The following CHODL variants were observed in gnomAD, a reference collection of about 807,000 sequenced individuals.
CHODL encodes the protein transmembrane protein MT75.
CHODL carries 29 observed loss-of-function variants against 34.5 expected under a neutral mutation model. That is an observed-to-expected ratio of 0.84 (90% CI 0.63 to 1.15). The LOEUF (loss-of-function observed/expected upper bound fraction) is 1.15. CHODL is among the 50% of genes most tolerant of loss of function. The pLI is 0.00. For missense variants in CHODL, 332 were observed against 332.5 expected (o/e 1.00, Z 0.01); for synonymous variants, 125 against 116.1 (o/e 1.08, Z -0.49).
chr21:18,251,365 T>C (rs947614227), intron 1 of CHODL, among the ~76,000 whole-genome samples: 1 of 147,450 alleles, frequency 6.8e-6, no homozygotes, highest in African/African-American at 2.5e-5. Context: ...ATTTCTTTTA[T>C]ATAAAATAAA....
At chr21:18,035,383 A>C (rs1182067454) in intron 2 of CHODL, among the ~76,000 whole-genome samples, 1 of 151,984 alleles carries the variant, frequency 6.6e-6, no homozygotes, top group African/African-American at 2.4e-5. Context: ...TCTGCTTTTA[A>C]GACTTCCTCT....
At chr21:17,981,426 C>T (rs1600855434) in intron 1 of CHODL, among the ~76,000 whole-genome samples, 1 of 152,242 alleles carries the variant, frequency 6.6e-6, no homozygotes, top group South Asian at 2.1e-4. Flanking sequence ...AAGTGACTAA[C>T]CTCATTTTTG....
At chr21:17,976,219 C>T (rs999932578) in intron 1 of CHODL, among the ~76,000 whole-genome samples, 12 of 126,156 alleles carry the variant, frequency 9.5e-5, no homozygotes, top group Admixed American at 9.4e-4. Flanking sequence ...TGCAGTGAGC[C>T]GAGATTGCAC....
At chr21:18,018,031 C>T (rs969921114) in intron 1 of CHODL, among the ~76,000 whole-genome samples, 26 of 152,224 alleles carry the variant, frequency 1.7e-4, no homozygotes, top group African/African-American at 2.4e-5. Context: ...ACATAGGCCC[C>T]TTTCTGTTGG....
chr21:17,968,418 T>C (rs531824948), intron 1 of CHODL, among the ~76,000 whole-genome samples: 101 of 152,358 alleles, frequency 6.6e-4, no homozygotes, highest in Non-Finnish European at 1.2e-3. Context: ...CCTCATCTTT[T>C]GCACGAAAGT....
chr21:18,177,565 A>G (rs1282348502), intron 2 of CHODL, among the ~76,000 whole-genome samples: 1 of 152,156 alleles, frequency 6.6e-6, no homozygotes, highest in Non-Finnish European at 1.5e-5. Flanking sequence ...TCACAAACAA[A>G]TTATCTTTTG....
In CHODL at chr21:18,256,516, G is replaced by T. The variant is rs751904196; in HGVS notation, c.87G>T (p.Lys29Asn). Residue 29 changes from lysine to asparagine, a missense_variant, in exon 2 of 6, where the codon AAG (lysine) becomes AAT (asparagine). By Grantham distance (94) the Lys-to-Asn change is moderately conservative. Transcript: ENST00000299295. ...AFCRRVVSGQ[K>N]VCFADFKHPC... ...TCTTTTTTTTTTTTTCAGGCCAAAAGGTGTGTTTTGCTGACTTCAAGCATC... is the reference window on the plus strand; with the variant it reads ...TCTTTTTTTTTTTTTCAGGCCAAAATGTGTGTTTTGCTGACTTCAAGCATC... 3.1e-6 allele frequency: 5 copies of T among 1,600,092 alleles called. No individual in the cohort carries two copies. The highest frequency in any genetic ancestry group is 3.4e-6 in the Non-Finnish European group (4 of 1,172,930).
At chr21:18,151,379 A>G (rs1247223843) in intron 2 of CHODL, among the ~76,000 whole-genome samples, 1 of 152,198 alleles carries the variant, frequency 6.6e-6, no homozygotes, top group Non-Finnish European at 1.5e-5. Flanking sequence ...GGGCTTCTAT[A>G]TAGCTGGACA....
Position 18,070,144 on chromosome 21 carries a change from T to C in CHODL, c.-45+42173T>C, listed in dbSNP as rs551179448. ...CAAATTGGGTATACTGCTCAGGTGA[T>C]GGGTGCACCAAAATCTCACACATCA... On this transcript the variant is annotated intron_variant, in intron 2 of 6. Transcript: ENST00000400127. Among the ~76,000 whole-genome samples the C allele has an allele frequency of 1.3e-3, 197 of 151,552 alleles. 2 individuals carry two copies. The highest frequency in any genetic ancestry group is 4.5e-3 in the African/African-American group (187 of 41,274).
chr21:18,036,439 C>T (rs558828984), intron 2 of CHODL, among the ~76,000 whole-genome samples: 115 of 151,974 alleles, frequency 7.6e-4, no homozygotes, highest in Non-Finnish European at 1.4e-3. Flanking sequence ...TGGCACTCTG[C>T]CCTGTGAACT....
chr21:18,242,444 A>T (rs1306635125), upstream of CHODL, among the ~76,000 whole-genome samples: 1 of 151,352 alleles, frequency 6.6e-6, no homozygotes, highest in Non-Finnish European at 1.5e-5. Flanking sequence ...AAAAAAAGGA[A>T]GCCAAGAGAA....
intron 2 of CHODL, among the ~76,000 whole-genome samples, chr21:18,206,777 CT>C (rs1401372193): frequency 6.7e-6 from 1 of 149,722 alleles, no homozygotes; most frequent in African/African-American, 2.5e-5. Flanking sequence ...TGGTGTTCTA[CT>C]TTCTTACTTT....
At chr21:18,078,284 A>G (rs2064891007) in intron 2 of CHODL, among the ~76,000 whole-genome samples, 1 of 152,160 alleles carries the variant, frequency 6.6e-6, no homozygotes. Context: ...GGCACCTCCT[A>G]TATGGCAGCA....
chr21:17,984,119 A>G (rs2063735365), intron 1 of CHODL, among the ~76,000 whole-genome samples: 1 of 152,114 alleles, frequency 6.6e-6, no homozygotes, highest in Non-Finnish European at 1.5e-5. Context: ...GATTTTGACT[A>G]TTTTAGATAC....
intron 2 of CHODL, among the ~76,000 whole-genome samples, chr21:18,119,860 A>G (rs891581928): frequency 6.6e-6 from 1 of 152,194 alleles, no homozygotes; most frequent in African/African-American, 2.4e-5. Flanking sequence ...CAGGTCATCC[A>G]GTTCACTTGT....
intron 1 of CHODL, among the ~76,000 whole-genome samples, chr21:17,941,253 T>A (rs2063360310): frequency 6.6e-6 from 1 of 151,730 alleles, no homozygotes. Flanking sequence ...ATTCTAAATT[T>A]TGGGGAAGAA....
chr21:18,184,630 G>A lies in CHODL; in HGVS notation c.-44-71879G>A, dbSNP rs570756737. Reference sequence around the variant, plus strand: ...CTTAAGTTCTAAGTCATCAGGGCTGGACAATGCCCAGTATTGAACACCATG... The same window carrying A: ...CTTAAGTTCTAAGTCATCAGGGCTGAACAATGCCCAGTATTGAACACCATG... On this transcript the variant is annotated intron_variant, in intron 2 of 6. Coordinates refer to the CHODL transcript ENST00000400127. Among the ~76,000 whole-genome samples, 5 of 152,252 alleles carry A rather than the reference G, an allele frequency of 3.3e-5. No individual in the cohort carries two copies. The South Asian group carries it at 1.0e-3, about 32-fold the overall frequency.
intron 2 of CHODL, among the ~76,000 whole-genome samples, chr21:18,029,121 G>A (rs2064218156): frequency 6.6e-6 from 1 of 152,120 alleles, no homozygotes; most frequent in Non-Finnish European, 1.5e-5. Flanking sequence ...GAGGTGAGAA[G>A]TCACTTTCAC....
intron 1 of CHODL, chr21:18,246,109 C>T (rs2074138592): frequency 5.9e-6 from 4 of 673,226 alleles, no homozygotes; most frequent in African/African-American, 3.6e-5. Flanking sequence ...ATTACTCTCC[C>T]TTACTTTTTG....
Sources: gnomAD v4.1 joint callset for allele counts (sites outside exome capture counted in the v4.1 genomes callset) on GRCh38, gnomAD v4.1.1 for gene constraint, MANE v1.5 for transcripts, NCBI Gene and HGNC (gene_info 2026-07-23, HGNC 2026-07-21) for gene names.